Variants in CMTM4 observed in about 807,000 individuals in gnomAD.
The protein encoded by CMTM4 is CKLF like MARVEL transmembrane domain containing 4.
CMTM4 carries 8 observed loss-of-function variants against 19.0 expected under a neutral mutation model. That is an observed-to-expected ratio of 0.42 (90% CI 0.25 to 0.76). CMTM4 has a LOEUF of 0.76. Ranked by LOEUF, CMTM4 falls within the 30% of genes least tolerant of loss-of-function variation. The pLI is 0.27. For synonymous variants in CMTM4, 106 were observed against 121.1 expected (o/e 0.88, Z 0.82); for missense variants, 228 against 290.2 (o/e 0.79, Z 1.56).
intron 1 of CMTM4, among the ~76,000 whole-genome samples, chr16:66,694,980 C>T (rs1450138090): frequency 6.6e-6 from 1 of 152,126 alleles, no homozygotes; most frequent in Non-Finnish European, 1.5e-5. Context: ...CATTTACAAA[C>T]GCCAGGACAT....
chr16:66,669,674 T>C (rs1486163470), intron 1 of CMTM4, among the ~76,000 whole-genome samples: 3 of 152,154 alleles, frequency 2.0e-5, no homozygotes, highest in Non-Finnish European at 4.4e-5. Flanking sequence ...CCCAAGTAGC[T>C]GGGACTACAG....
rs2015494915 is a variant in CMTM4 at position 66,614,790 on chromosome 16, A to G, written c.*7268T>C. Reference sequence around the variant, plus strand: ...TTATTAAACAAGTTCCTTCATGACAATTTAATACAATAGTTATTAACGATT... The same window carrying G: ...TTATTAAACAAGTTCCTTCATGACAGTTTAATACAATAGTTATTAACGATT... On this transcript the variant is annotated 3_prime_UTR_variant, in exon 4 of 4. Coordinates refer to ENST00000394106, the MANE Select transcript of CMTM4 (RefSeq NM_181521.3). This position sits in a 1 kb window ranked among gnomAD's most constrained non-coding sequence, Gnocchi z 4.9. The G allele has an allele frequency of 6.6e-6, 1 of 152,236 alleles. No homozygotes were observed. Among genetic ancestry groups the G allele is most frequent in the Admixed American group, 6.5e-5 (1 of 15,286 alleles). The allele number at this position is 152,236 out of a possible 1,614,324, so 9.4% of individuals were successfully genotyped here.
In CMTM4 at chr16:66,617,307, C is replaced by G; in HGVS notation, c.*4751G>C. 7 of 1,613,930 alleles carry G rather than the reference C, an allele frequency of 4.3e-6. No individual in the cohort carries two copies. The highest frequency in any genetic ancestry group is 5.9e-6 in the Non-Finnish European group (7 of 1,179,966). On this transcript the variant is annotated 3_prime_UTR_variant, in exon 4 of 4. Transcript: ENST00000394106. ...CAAGTTGCCAGTGATTCAAACTCAG[C>G]AGGTTTGTGGGTGATTTTTTCCTTA...
chr16:66,669,075 A>G (rs538860148), intron 1 of CMTM4, among the ~76,000 whole-genome samples: 1 of 152,358 alleles, frequency 6.6e-6, no homozygotes, highest in African/African-American at 2.4e-5. Context: ...CAAAAGTTGC[A>G]AATAACTCAA....
chr16:66,694,029 G>C (rs1168605746), intron 1 of CMTM4, among the ~76,000 whole-genome samples: 1 of 150,922 alleles, frequency 6.6e-6, no homozygotes, highest in East Asian at 1.9e-4. Flanking sequence ...GTTTAAAAAA[G>C]AAAGAAAAAG....
chr16:66,620,372 CCT>C lies in CMTM4; in HGVS notation c.*1684_*1685del, dbSNP rs1410371259. On this transcript the variant is annotated 3_prime_UTR_variant, in exon 4 of 4. Transcript: ENST00000394106. ...TGTTAACAGGCTAGCAGGGTCAGCC[CCT>C]GAGGCAGACGTGGTGCTCAGCCACA... 4 of 985,348 alleles carry C rather than the reference CCT, an allele frequency of 4.1e-6. No individual in the cohort carries two copies. The highest frequency in any genetic ancestry group is 1.2e-4 in the Admixed American group (2 of 16,264). 61.0% of individuals were successfully genotyped at this position (985,348 alleles called of 1,614,324 possible). A position where few individuals can be genotyped will look rare whatever the true frequency, so the allele number is the denominator to read the frequency against.
At chr16:66,630,085 G>A (rs1267537206) in intron 2 of CMTM4, among the ~76,000 whole-genome samples, 2 of 152,084 alleles carry the variant, frequency 1.3e-5, no homozygotes, top group African/African-American at 2.4e-5. Context: ...GAAGTGCCTG[G>A]GCACCCCTTT....
chr16:66,674,732 C>CTTTTTTTT (rs771044359), intron 1 of CMTM4, among the ~76,000 whole-genome samples: 3 of 92,484 alleles, frequency 3.2e-5, no homozygotes, highest in African/African-American at 8.8e-5. Context: ...GTTACATATT[C>CTTTTTTTT]TTTTTTTTTT....
downstream of CMTM4, chr16:66,612,539 C>T (rs1009257806): frequency 3.3e-6 from 5 of 1,532,462 alleles, no homozygotes; most frequent in Non-Finnish European, 3.6e-6. The surrounding 1 kb of genome is among the most constrained non-coding windows in gnomAD (Gnocchi z 6.0). Flanking sequence ...AGCTGTGCTT[C>T]CCCAGAGACC....
chr16:66,663,792 C>T (rs944944801), intron 1 of CMTM4, among the ~76,000 whole-genome samples: 3 of 151,982 alleles, frequency 2.0e-5, no homozygotes, highest in Admixed American at 6.6e-5. Context: ...CCACCCACCT[C>T]GGCCTCCCAA....
chr16:66,665,827 G>C (rs1480883756), intron 1 of CMTM4, among the ~76,000 whole-genome samples: 1 of 152,060 alleles, frequency 6.6e-6, no homozygotes, highest in South Asian at 2.1e-4. Flanking sequence ...CCAGCACTTT[G>C]GGAGGCTGAA....
intron 1 of CMTM4, among the ~76,000 whole-genome samples, chr16:66,680,528 G>A (rs1215331173): frequency 1.1e-3 from 162 of 149,186 alleles, no homozygotes; most frequent in Non-Finnish European, 6.8e-4. Flanking sequence ...TAATCCCAGC[G>A]CTTCGGGAGG....
At chr16:66,651,059 C>T (rs1397964428) in intron 1 of CMTM4, among the ~76,000 whole-genome samples, 1 of 152,086 alleles carries the variant, frequency 6.6e-6, no homozygotes, top group Admixed American at 6.5e-5. Context: ...TAACCACAGA[C>T]GAAAAAGGCT....
the CMTM4 span, among the ~76,000 whole-genome samples, chr16:66,598,607 T>A: frequency 6.6e-6 from 1 of 152,172 alleles, no homozygotes; most frequent in African/African-American, 2.4e-5. Flanking sequence ...CCGATCTGAT[T>A]TCTGTTACTG....
the CMTM4 span, among the ~76,000 whole-genome samples, chr16:66,601,117 G>GTC: frequency 2.6e-5 from 4 of 151,940 alleles, no homozygotes; most frequent in East Asian, 7.7e-4. Context: ...CTGTGTGTGT[G>GTC]TGTGTGTGTG....
intron 1 of CMTM4, among the ~76,000 whole-genome samples, chr16:66,689,443 A>G (rs1427361965): frequency 6.6e-6 from 1 of 152,012 alleles, no homozygotes; most frequent in African/African-American, 2.4e-5. Context: ...AAACGGTCTC[A>G]CTCTGTTGCC....
intron 1 of CMTM4, among the ~76,000 whole-genome samples, chr16:66,662,914 A>G (rs1457721812): frequency 6.6e-6 from 1 of 152,196 alleles, no homozygotes; most frequent in Non-Finnish European, 1.5e-5. Flanking sequence ...AGTTGTATAT[A>G]TATGTGTATC....
At chr16:66,613,895 C>G (rs1056041157), downstream of CMTM4, 9 of 134,460 alleles carry the variant, frequency 6.7e-5, no homozygotes, top group Non-Finnish European at 1.2e-4. Flanking sequence ...CCATTTAATC[C>G]TTTATTTCCC....
rs1288830559 is a variant in CMTM4 at position 66,636,532 on chromosome 16, G to A, written c.236C>T (p.Ser79Phe). The A allele has an allele frequency of 6.2e-7, 1 of 1,614,202 alleles. No homozygotes were observed. Among genetic ancestry groups the A allele is most frequent in the African/African-American group, 1.3e-5 (1 of 75,056 alleles). Residue 79 changes from serine to phenylalanine, a missense_variant, in exon 2 of 4, where the codon TCC becomes TTC. By Grantham distance (155) the Ser-to-Phe change is radical (BLOSUM62 -2). This residue lies in a region of CMTM4 where 200 missense variants were observed against 226.6 expected (regional missense o/e 0.88). Coordinates refer to ENST00000394106, the MANE Select transcript of CMTM4 (RefSeq NM_181521.3). The stretch of plus-strand genomic sequence containing the variant: ...AAAAAAGTAGAGGCCTTCACACGGG[G>A]AGCATGCCATGATGGTCTCTATGCA... Reference protein sequence around the residue: ...FICIETIMACSPCEGLYFFEF... With the variant: ...FICIETIMACFPCEGLYFFEF...
Sources: allele counts gnomAD v4.1 joint callset (sites outside exome capture counted in the v4.1 genomes callset), GRCh38; gene constraint gnomAD v4.1.1; regional missense constraint gnomAD v4.1.1; non-coding constraint Gnocchi (gnomAD v3.1); transcripts MANE v1.5; gene names NCBI Gene and HGNC (gene_info 2026-07-23, HGNC 2026-07-21).